Variants in FHOD3 observed in about 807,000 individuals in gnomAD.
FHOD3 encodes the protein FH1/FH2 domain-containing protein 3.
A neutral mutation model predicts 173.0 loss-of-function variants in FHOD3; 90 were observed. The observed-to-expected ratio is 0.52, with a 90% CI of 0.44 to 0.62. The LOEUF (loss-of-function observed/expected upper bound fraction) is 0.62. Ranked by LOEUF, FHOD3 falls within the 20% of genes least tolerant of loss-of-function variation. The pLI is 0.00. For synonymous variants in FHOD3, 828 were observed against 823.0 expected (o/e 1.01, Z -0.10); for missense variants, 1,945 against 2,034.7 (o/e 0.96, Z 0.85).
intron 11 of FHOD3, among the ~76,000 whole-genome samples, chr18:36,651,520 A>G (rs558869823): frequency 6.6e-6 from 1 of 152,340 alleles, no homozygotes; most frequent in East Asian, 1.9e-4. Flanking sequence ...TGGGAATCCA[A>G]GGCAGGTGGA....
intron 15 of FHOD3, among the ~76,000 whole-genome samples, chr18:36,682,054 C>G (rs2038283997): frequency 6.6e-6 from 1 of 152,158 alleles, no homozygotes; most frequent in Non-Finnish European, 1.5e-5. Context: ...GTGTTGATTA[C>G]TCTCAGCCCA....
At chr18:36,416,852 A>C (rs1284843748) in intron 3 of FHOD3, among the ~76,000 whole-genome samples, 5 of 152,116 alleles carry the variant, frequency 3.3e-5, no homozygotes, top group Admixed American at 2.0e-4. Context: ...AAGAGTGTAC[A>C]AGCGCTTCCT....
chr18:36,594,731 C>G (rs2030015882), intron 6 of FHOD3, 56 bp from the exon 7 acceptor site: 2 of 1,304,472 alleles, frequency 1.5e-6, no homozygotes, highest in Non-Finnish European at 2.2e-6. Context: ...GGAAGATGCT[C>G]TCTGGTGCAC....
chr18:36,319,400 A>G (rs1555669559), intron 1 of FHOD3, among the ~76,000 whole-genome samples: 2 of 152,274 alleles, frequency 1.3e-5, no homozygotes, highest in Non-Finnish European at 2.9e-5. Context: ...AGGCTATTAC[A>G]TAATGATAAA....
intron 3 of FHOD3, among the ~76,000 whole-genome samples, chr18:36,481,375 C>T (rs200258456): frequency 1.0e-3 from 159 of 152,088 alleles, no homozygotes; most frequent in African/African-American, 3.7e-3. Context: ...GGAGTATTAC[C>T]ATATGGTCCT....
intron 3 of FHOD3, among the ~76,000 whole-genome samples, chr18:36,451,382 C>T (rs1311170402): frequency 6.6e-6 from 1 of 152,226 alleles, no homozygotes; most frequent in African/African-American, 2.4e-5. Context: ...TTAAAGAAAG[C>T]ATCCAATGGC....
chr18:36,586,782 G>T (rs535905210), intron 6 of FHOD3, among the ~76,000 whole-genome samples: 2 of 152,206 alleles, frequency 1.3e-5, no homozygotes, highest in South Asian at 4.1e-4. Flanking sequence ...GCCTGGCCGC[G>T]TGTTACATTT....
chr18:36,690,821 G>T (rs1457604671), intron 16 of FHOD3, among the ~76,000 whole-genome samples: 3 of 152,142 alleles, frequency 2.0e-5, no homozygotes, highest in African/African-American at 4.8e-5. Context: ...GTAGCATTAA[G>T]TGCATTCACA....
intron 28 of FHOD3, among the ~76,000 whole-genome samples, chr18:36,777,272 G>C (rs1042017193): frequency 6.9e-6 from 1 of 145,164 alleles, no homozygotes; most frequent in Non-Finnish European, 1.5e-5. Context: ...GCACCATCTC[G>C]GCTCACCGCA....
At chr18:36,404,339 CT>C (rs1343888438) in intron 3 of FHOD3, among the ~76,000 whole-genome samples, 2 of 152,204 alleles carry the variant, frequency 1.3e-5, no homozygotes, top group Admixed American at 1.3e-4. Context: ...CTCAGGTGAC[CT>C]CTCCAGGTGT....
At chr18:36,436,356 A>G (rs1278699850) in intron 3 of FHOD3, among the ~76,000 whole-genome samples, 1 of 152,116 alleles carries the variant, frequency 6.6e-6, no homozygotes, top group African/African-American at 2.4e-5. Context: ...ATTTATTGGG[A>G]TTGCAGTGAA....
At chr18:36,706,344 G>A (rs879826801) in intron 17 of FHOD3, among the ~76,000 whole-genome samples, 5 of 152,180 alleles carry the variant, frequency 3.3e-5, no homozygotes, top group African/African-American at 1.2e-4. Flanking sequence ...TAGACACTGA[G>A]TCATGTATTC....
chr18:36,513,102 T>C (rs1387016586), intron 5 of FHOD3, among the ~76,000 whole-genome samples: 1 of 152,138 alleles, frequency 6.6e-6, no homozygotes, highest in African/African-American at 2.4e-5. Context: ...CACTGATTCC[T>C]GTTCCAGTTT....
intron 3 of FHOD3, among the ~76,000 whole-genome samples, chr18:36,454,020 G>C (rs1250511896): frequency 1.3e-5 from 2 of 152,142 alleles, no homozygotes; most frequent in African/African-American, 4.8e-5. Context: ...TGAATTCCAA[G>C]ATGGCGCTCT....
At chr18:36,769,622 A>C (rs779901654) in intron 28 of FHOD3, among the ~76,000 whole-genome samples, 196 bp downstream of exon 28, 1 of 152,172 alleles carries the variant, frequency 6.6e-6, no homozygotes. Flanking sequence ...AGCTGCAGCC[A>C]CACCTGTTCA....
intron 3 of FHOD3, among the ~76,000 whole-genome samples, chr18:36,393,077 G>A (rs984547153): frequency 3.3e-5 from 5 of 152,246 alleles, no homozygotes; most frequent in African/African-American, 4.8e-5. Flanking sequence ...AAATTAGTAG[G>A]CAGAAATGCT....
At chr18:36,302,457 C>T (rs2091979211) in intron 1 of FHOD3, among the ~76,000 whole-genome samples, 1 of 152,134 alleles carries the variant, frequency 6.6e-6, no homozygotes, top group South Asian at 2.1e-4. Flanking sequence ...TTTTTGTGCA[C>T]ACTGCAGTCT....
chr18:36,654,853 T>C (rs1170375805), intron 13 of FHOD3, among the ~76,000 whole-genome samples: 2 of 152,200 alleles, frequency 1.3e-5, no homozygotes, highest in Non-Finnish European at 2.9e-5. Flanking sequence ...CTCAAGAGTT[T>C]TTTTTCTTTC....
intron 9 of FHOD3, among the ~76,000 whole-genome samples, chr18:36,624,939 T>C (rs2033984302): frequency 6.6e-6 from 1 of 152,348 alleles, no homozygotes; most frequent in East Asian, 1.9e-4. Flanking sequence ...AGCCTGATAG[T>C]GCAGCAGCTG....
Sources: gnomAD v4.1 joint callset for allele counts (sites outside exome capture counted in the v4.1 genomes callset) on GRCh38, gnomAD v4.1.1 for gene constraint, MANE v1.5 for transcripts, NCBI Gene and HGNC (gene_info 2026-07-23, HGNC 2026-07-21) for gene names.